The following FAM120A variants were observed in gnomAD, a reference collection of about 807,000 sequenced individuals.
The protein encoded by FAM120A is constitutive coactivator of PPAR-gamma-like protein 1.
A neutral mutation model predicts 109.7 loss-of-function variants in FAM120A; 15 were observed. The ratio of observed to expected loss-of-function variants is 0.14; its 90% confidence interval spans 0.09 to 0.21. The LOEUF (loss-of-function observed/expected upper bound fraction) is 0.21, where lower values mean the gene tolerates loss of function less well. Among genes scored for constraint, FAM120A ranks in the 10% least tolerant of loss-of-function variants. FAM120A has a pLI of 1.00. For missense variants in FAM120A, 899 were observed against 1,439.3 expected, an observed-to-expected ratio of 0.62 and a Z score of 6.07; for synonymous variants, 493 against 572.8, an observed-to-expected ratio of 0.86 and a Z score of 1.99.
intron 1 of FAM120A, among the ~76,000 whole-genome samples, chr9:93,463,181 T>C (rs1857869435): frequency 6.6e-6 from 1 of 152,150 alleles, no homozygotes; most frequent in South Asian, 2.1e-4. Flanking sequence ...TGACATTTGT[T>C]ATTTTCTTTT....
chr9:93,487,019 AT>A (rs1163476770), intron 3 of FAM120A, among the ~76,000 whole-genome samples: 1 of 151,656 alleles, frequency 6.6e-6, no homozygotes, highest in Non-Finnish European at 1.5e-5. Flanking sequence ...TTTGATTTGC[AT>A]TTCTTTGATG....
intron 2 of FAM120A, among the ~76,000 whole-genome samples, chr9:93,472,493 A>T (rs1426193768): frequency 6.6e-6 from 1 of 152,118 alleles, no homozygotes; most frequent in African/African-American, 2.4e-5. Context: ...CATGAATCTG[A>T]TGGGATTTGG....
intron 3 of FAM120A, among the ~76,000 whole-genome samples, chr9:93,479,087 T>C (rs1858679597): frequency 6.9e-6 from 1 of 145,372 alleles, no homozygotes; most frequent in Non-Finnish European, 1.5e-5. Context: ...ATTAGGGTAT[T>C]GCATTTTTTT....
intron 10 of FAM120A, among the ~76,000 whole-genome samples, chr9:93,542,450 TG>T (rs1348114106): frequency 1.6e-4 from 25 of 152,356 alleles, no homozygotes; most frequent in African/African-American, 5.8e-4. Flanking sequence ...ATCAATCAAG[TG>T]GGAAAATGTG....
chr9:93,498,714 T>C lies in FAM120A; in HGVS notation c.934-76T>C. The C allele has an allele frequency of 1.2e-6, 1 of 859,800 alleles. No homozygotes were observed. The highest frequency in any genetic ancestry group is 2.0e-6 in the Non-Finnish European group (1 of 501,276). The allele number at this position is 859,800 out of a possible 1,614,324, so 53.3% of individuals were successfully genotyped here. ...AAGCTGTAGAATATTATACATGTGC[T>C]GAATTATAAAAAACATTGTGATACA... On this transcript the variant is annotated intron_variant, in intron 4 of 17. Transcript: ENST00000277165. This position sits in a 1 kb window ranked among gnomAD's most constrained non-coding sequence, Gnocchi z 4.4.
intron 11 of FAM120A, among the ~76,000 whole-genome samples, chr9:93,549,741 T>G (rs1160644974): frequency 6.6e-6 from 1 of 152,244 alleles, no homozygotes; most frequent in Non-Finnish European, 1.5e-5. Flanking sequence ...AGTGATCAGC[T>G]GGCAACTTGA....
At position 93,476,278 on chromosome 9, in the gene FAM120A, A is replaced by C; in HGVS notation, c.744A>C (p.Glu248Asp). 6.2e-7 allele frequency: 1 copy of C among 1,608,606 alleles called. No homozygotes were observed. The highest frequency in any genetic ancestry group is 8.5e-7 in the Non-Finnish European group (1 of 1,175,200). Residue 248 changes from glutamate (E) to aspartate (D), a missense_variant, in exon 3 of 18, where the codon GAA (glutamate) becomes GAC (aspartate). By Grantham distance (45) the Glu-to-Asp change is conservative. This residue lies in a region of FAM120A where 258 missense variants were observed against 451.4 expected (regional missense o/e 0.57). Coordinates refer to ENST00000277165, the MANE Select transcript of FAM120A (RefSeq NM_014612.5). Reference protein sequence around the residue: ...ALLGNHILPDEDLASFHWSLL... With the variant: ...ALLGNHILPDDDLASFHWSLL... Reference sequence around the variant, plus strand: ...CAGGAAATCACATTCTGCCTGATGAAGATCTGGCTTCCTTTCACTGGAGTT... The same window carrying C: ...CAGGAAATCACATTCTGCCTGATGACGATCTGGCTTCCTTTCACTGGAGTT...
intron 3 of FAM120A, among the ~76,000 whole-genome samples, chr9:93,488,901 A>T (rs1859189036): frequency 6.6e-6 from 1 of 152,068 alleles, no homozygotes; most frequent in Non-Finnish European, 1.5e-5. Flanking sequence ...CACATGGCTA[A>T]CAAAAATGAT....
At chr9:93,564,150 C>T (rs1862562076) in intron 17 of FAM120A, 79 bp from the exon 18 acceptor site, 1 of 1,438,360 alleles carries the variant, frequency 7.0e-7, no homozygotes, top group Non-Finnish European at 9.5e-7. Context: ...CAGAGAGTGT[C>T]ATTAGGCCAA....
At chr9:93,515,245 T>C (rs1245835249) in intron 5 of FAM120A, among the ~76,000 whole-genome samples, 1 of 152,304 alleles carries the variant, frequency 6.6e-6, no homozygotes, top group Non-Finnish European at 1.5e-5. Flanking sequence ...AAGGAAACTG[T>C]TCGGTCCGAC....
In FAM120A at chr9:93,554,366, G is replaced by T. The variant is rs138162240; in HGVS notation, c.2275-2016G>T. On this transcript the variant is annotated intron_variant, in intron 12 of 17. Coordinates refer to ENST00000277165, the MANE Select transcript of FAM120A (RefSeq NM_014612.5). ...ATCTGGATGTGATTGGCACCAGCCCGTTCCTAAGAAACACCTGCAGGGGCT... is the reference window on the plus strand; with the variant it reads ...ATCTGGATGTGATTGGCACCAGCCCTTTCCTAAGAAACACCTGCAGGGGCT... Among the ~76,000 whole-genome samples, 4 of 152,236 alleles carry T rather than the reference G, an allele frequency of 2.6e-5. No homozygotes were observed. The East Asian group carries it at 7.7e-4, about 29-fold the overall frequency.
At position 93,452,317 on chromosome 9, in the gene FAM120A, A is replaced by C; in HGVS notation, c.402A>C (p.Pro134=). ...TCCAGAACAAGGGCACCCCGCCGCC[A>C]AAGGTCTGGTTCCTGCCGCCCGTCT... ...SHVQNKGTPP[P]KVWFLPPVCM... Residue 134 remains proline (P), a synonymous_variant, in exon 1 of 18, where the codon CCA becomes CCC. Coordinates refer to ENST00000277165, the MANE Select transcript of FAM120A (RefSeq NM_014612.5). The surrounding 1 kb of genome is among the most constrained non-coding windows in gnomAD (Gnocchi z 7.0). 1 of 1,612,958 alleles carries C rather than the reference A, an allele frequency of 6.2e-7. No individual in the cohort carries two copies. The highest frequency in any genetic ancestry group is 2.2e-5 in the East Asian group (1 of 44,864).
chr9:93,494,873 G>T (rs758379916), intron 3 of FAM120A, among the ~76,000 whole-genome samples: 5 of 152,106 alleles, frequency 3.3e-5, no homozygotes, highest in Non-Finnish European at 7.4e-5. Context: ...CACAGGCTTG[G>T]GGTGCTAGCC....
chr9:93,561,314 T>A, intron 16 of FAM120A, 64 bp downstream of exon 16: 1 of 1,487,406 alleles, frequency 6.7e-7, no homozygotes, highest in Non-Finnish European at 9.0e-7. Context: ...AACTTGCTTT[T>A]TTTTGGAAGT....
chr9:93,560,992 A>G, intron 15 of FAM120A, 117 bp from the exon 16 acceptor site: 2 of 1,112,944 alleles, frequency 1.8e-6, no homozygotes, highest in South Asian at 2.9e-5. Flanking sequence ...AACAGGAGAA[A>G]GTAGCTTCAT....
chr9:93,499,616 T>C (rs1418753702), intron 5 of FAM120A, among the ~76,000 whole-genome samples: 1 of 152,128 alleles, frequency 6.6e-6, no homozygotes, highest in African/African-American at 2.4e-5. Context: ...AATTCAGAGA[T>C]TTGAAATTGG....
rs1862578831 is a variant in FAM120A, at chr9:93,564,597, G to A, written c.*57G>A. On this transcript the variant is annotated 3_prime_UTR_variant, in exon 18 of 18. Transcript: ENST00000277165. Reference sequence around the variant, plus strand: ...GAAGGGTAAGGATTTAGGAATATCTGGAGAGAAAGAGAGCCTGCAGTTATG... The same window carrying A: ...GAAGGGTAAGGATTTAGGAATATCTAGAGAGAAAGAGAGCCTGCAGTTATG... 1.4e-6 allele frequency: 2 copies of A among 1,432,648 alleles called. No individual in the cohort carries two copies. The highest frequency in any genetic ancestry group is 1.9e-6 in the Non-Finnish European group (2 of 1,051,178). The allele number at this position is 1,432,648 out of a possible 1,614,324, so 88.7% of individuals were successfully genotyped here. A position where few individuals can be genotyped will look rare whatever the true frequency, so the allele number is the denominator to read the frequency against.
chr9:93,504,347 T>TA (rs923636339), intron 5 of FAM120A, among the ~76,000 whole-genome samples: 9 of 152,092 alleles, frequency 5.9e-5, no homozygotes, highest in Admixed American at 2.6e-4. Context: ...TTTTTACCTG[T>TA]AAAAAAAATG....
At chr9:93,543,567 T>C in intron 11 of FAM120A, 96 bp downstream of exon 11, 2 of 1,431,782 alleles carry the variant, frequency 1.4e-6, no homozygotes, top group Non-Finnish European at 1.9e-6. Flanking sequence ...ATGTAAAGTT[T>C]ATTCCTGATC....
Sources: gnomAD v4.1 joint callset for allele counts (sites outside exome capture counted in the v4.1 genomes callset) on GRCh38, gnomAD v4.1.1 for gene constraint, gnomAD v4.1.1 regional missense constraint, Gnocchi (gnomAD v3.1) non-coding constraint, MANE v1.5 for transcripts, NCBI Gene and HGNC (gene_info 2026-07-23, HGNC 2026-07-21) for gene names.